The following FSHR variants were observed in gnomAD, a reference collection of about 807,000 sequenced individuals.
The protein encoded by FSHR is follicle-stimulating hormone receptor.
In FSHR, 46 loss-of-function variants were observed where a neutral mutation model predicts 52.1. The observed-to-expected ratio is 0.88, with a 90% confidence interval of 0.70 to 1.13. The LOEUF (loss-of-function observed/expected upper bound fraction) is 1.13, where lower values mean the gene tolerates loss of function less well. FSHR is among the 50% of genes most tolerant of loss of function. The pLI, the probability that FSHR is intolerant of heterozygous loss-of-function variation, is 0.00. For missense variants in FSHR, 964 were observed against 834.6 expected, an observed-to-expected ratio of 1.16 and a Z score of -1.91; for synonymous variants, 399 against 309.6, an observed-to-expected ratio of 1.29 and a Z score of -3.03.
At chr2:49,056,952 C>T (rs141346750) in intron 2 of FSHR, among the ~76,000 whole-genome samples, 72 of 152,020 alleles carry the variant, frequency 4.7e-4, no homozygotes, top group Non-Finnish European at 3.4e-4. Context: ...AAATTTAAAT[C>T]TTTCTTAAAT....
At chr2:49,105,333 C>A (rs372023595) in intron 1 of FSHR, among the ~76,000 whole-genome samples, 3 of 152,058 alleles carry the variant, frequency 2.0e-5, no homozygotes, top group Non-Finnish European at 4.4e-5. Context: ...AACTCCCCTC[C>A]TTAGTTTTCT....
rs1413597521 is a variant in FSHR at position 49,117,406 on chromosome 2, T to C, written c.152+36860A>G. Among the ~76,000 whole-genome samples the C allele has an allele frequency of 3.3e-5, 5 of 152,220 alleles. 1 individual carries two copies. Among genetic ancestry groups the C allele is most frequent in the Admixed American group, 3.3e-4 (5 of 15,278 alleles). On this transcript the variant is annotated intron_variant, in intron 1 of 9. Transcript: ENST00000406846. ...TTTGGCTCTACTATCAGGATAATAA[T>C]AGTGTACTGATGAAAAGTTGGACAC...
intron 2 of FSHR, among the ~76,000 whole-genome samples, chr2:49,060,607 C>CT (rs1233288896): frequency 6.6e-6 from 1 of 152,142 alleles, no homozygotes; most frequent in Non-Finnish European, 1.5e-5. Context: ...AGTCAATGCC[C>CT]TGGCCAAGCT....
intron 2 of FSHR, among the ~76,000 whole-genome samples, chr2:49,049,204 A>C (rs147718908): frequency 1.3e-5 from 2 of 152,000 alleles, no homozygotes; most frequent in African/African-American, 4.8e-5. Flanking sequence ...AAAAAGGCCA[A>C]TTCATTTTCT....
intron 4 of FSHR, among the ~76,000 whole-genome samples, chr2:49,007,177 T>A (rs1409029354): frequency 6.6e-6 from 1 of 152,112 alleles, no homozygotes; most frequent in Non-Finnish European, 1.5e-5. Flanking sequence ...GTATGGCTCT[T>A]TTCCCACCAT....
chr2:49,014,633 G>C (rs1050125812), intron 4 of FSHR: 1 of 269,408 alleles, frequency 3.7e-6, no homozygotes, highest in Non-Finnish European at 7.2e-6. Flanking sequence ...GTGGGTCAAT[G>C]ATGAGGTCAA....
At chr2:49,113,419 T>A (rs1671495090) in intron 1 of FSHR, among the ~76,000 whole-genome samples, 1 of 152,174 alleles carries the variant, frequency 6.6e-6, no homozygotes. Flanking sequence ...AAAAGGATGA[T>A]TATTTATGAA....
chr2:49,053,160 A>G (rs1668932042), intron 2 of FSHR, among the ~76,000 whole-genome samples: 1 of 152,132 alleles, frequency 6.6e-6, no homozygotes, highest in African/African-American at 2.4e-5. Flanking sequence ...TTTCAAATGA[A>G]TTTTATGTGG....
chr2:48,981,969 T>C (rs1007540), intron 8 of FSHR, among the ~76,000 whole-genome samples: 18,877 of 152,302 alleles, frequency 0.12, 1,493 homozygotes, highest in East Asian at 0.22. Context: ...TGTTTATCTA[T>C]TGCTCTGCTC....
At chr2:49,093,471 A>C (rs1670691407) in intron 1 of FSHR, among the ~76,000 whole-genome samples, 2 of 152,048 alleles carry the variant, frequency 1.3e-5, no homozygotes, top group South Asian at 4.1e-4. Context: ...CCTTGCTCTG[A>C]AGTCTGTGTT....
rs549072511 is a variant in FSHR, at chr2:49,122,916, A to T, written c.152+31350T>A. Among the ~76,000 whole-genome samples the T allele has an allele frequency of 5.3e-5, 8 of 152,292 alleles. No homozygotes were observed. In the South Asian group the frequency reaches 1.7e-3, roughly 32 times the overall value. ...ATTAAATGAAGGGTGTCTTATGGTT[A>T]TGAAGATATACTGGAGTCTATCTGC... is the stretch of plus-strand genomic sequence containing the variant. On this transcript the variant is annotated intron_variant, in intron 1 of 9. Transcript: ENST00000406846.
intron 1 of FSHR, among the ~76,000 whole-genome samples, chr2:49,108,639 C>G (rs1671320199): frequency 6.6e-6 from 1 of 151,924 alleles, no homozygotes; most frequent in Admixed American, 6.6e-5. Flanking sequence ...TGGGAGTTTT[C>G]AAAAATGGAA....
chr2:49,048,123 T>A (rs1668724161), intron 2 of FSHR, among the ~76,000 whole-genome samples: 1 of 152,102 alleles, frequency 6.6e-6, no homozygotes, highest in East Asian at 1.9e-4. Flanking sequence ...TGACCTCAAG[T>A]GATCTGCCAG....
intron 2 of FSHR, among the ~76,000 whole-genome samples, chr2:49,046,695 A>T (rs1668670445): frequency 6.6e-6 from 1 of 152,210 alleles, no homozygotes; most frequent in Non-Finnish European, 1.5e-5. Context: ...GGTAAGTTTC[A>T]TCAAATCATG....
At chr2:49,015,105 G>T (rs1360918500) in intron 4 of FSHR, among the ~76,000 whole-genome samples, 1 of 152,080 alleles carries the variant, frequency 6.6e-6, no homozygotes, top group Non-Finnish European at 1.5e-5. Context: ...ATCTTATTTG[G>T]TTTTTACAGC....
At chr2:49,105,228 T>G (rs1671180645) in intron 1 of FSHR, among the ~76,000 whole-genome samples, 1 of 152,172 alleles carries the variant, frequency 6.6e-6, no homozygotes, top group Non-Finnish European at 1.5e-5. Context: ...AAAGGGAGCC[T>G]ATGTTGAAAA....
intron 3 of FSHR, among the ~76,000 whole-genome samples, chr2:49,017,856 G>T (rs1032811353): frequency 2.6e-5 from 4 of 152,118 alleles, no homozygotes; most frequent in African/African-American, 9.7e-5. Context: ...GTGGGTTCTT[G>T]TCACCCTGAG....
intron 2 of FSHR, among the ~76,000 whole-genome samples, chr2:49,057,779 A>G (rs1309438238): frequency 1.3e-5 from 2 of 152,180 alleles, no homozygotes; most frequent in Non-Finnish European, 2.9e-5. Context: ...ATAATAAAAT[A>G]CTAGCAATCC....
In FSHR at chr2:48,990,649, C is replaced by T. The variant is rs574746126; in HGVS notation, c.375-12G>A. ...TGTTGGATATTAACCTAGAGAGAAA[C>T]AAAATGAGAGTGAGTGAAAATGAAA... On this transcript the variant is annotated splice_polypyrimidine_tract_variant and intron_variant, in intron 4 of 9. Transcript: ENST00000406846. The T allele has an allele frequency of 3.2e-6, 5 of 1,545,338 alleles. No homozygotes were observed. In the Admixed American group the frequency reaches 8.3e-5, roughly 26 times the overall value.
Sources: gnomAD v4.1 joint callset for allele counts (sites outside exome capture counted in the v4.1 genomes callset) on GRCh38, gnomAD v4.1.1 for gene constraint, MANE v1.5 for transcripts, NCBI Gene and HGNC (gene_info 2026-07-23, HGNC 2026-07-21) for gene names.